The following CCSER1 variants were observed in gnomAD, a reference collection of about 807,000 sequenced individuals.
CCSER1 encodes serine-rich coiled-coil domain-containing protein 1.
In CCSER1, 41 loss-of-function variants were observed where a neutral mutation model predicts 82.0. That is an observed-to-expected ratio of 0.50 (90% CI 0.39 to 0.65). The LOEUF (loss-of-function observed/expected upper bound fraction) is 0.65. CCSER1 is among the 30% of genes least tolerant of loss of function. CCSER1 has a pLI of 0.00. For synonymous variants in CCSER1, 414 were observed against 383.9 expected (o/e 1.08, Z -0.92); for missense variants, 1,119 against 1,064.2 (o/e 1.05, Z -0.72).
intron 4 of CCSER1, among the ~76,000 whole-genome samples, chr4:90,400,589 T>C (rs1451839406): frequency 6.6e-6 from 1 of 152,122 alleles, no homozygotes; most frequent in Non-Finnish European, 1.5e-5. Flanking sequence ...TCAAAAGTAC[T>C]AATTACCAGT....
intron 10 of CCSER1, among the ~76,000 whole-genome samples, chr4:91,450,541 G>A (rs1287255980): frequency 2.0e-5 from 3 of 152,040 alleles, no homozygotes; most frequent in Non-Finnish European, 1.5e-5. Flanking sequence ...AGAAACAAAC[G>A]AGATGGGCCC....
intron 5 of CCSER1, among the ~76,000 whole-genome samples, chr4:90,616,369 C>T (rs1721201750): frequency 6.6e-6 from 1 of 151,912 alleles, no homozygotes; most frequent in African/African-American, 2.4e-5. Context: ...TTCTAACAAA[C>T]TGTCGAAGAA....
intron 10 of CCSER1, among the ~76,000 whole-genome samples, chr4:91,582,555 A>G (rs1329805826): frequency 6.6e-6 from 1 of 151,532 alleles, no homozygotes; most frequent in African/African-American, 2.4e-5. Context: ...TAGTCCGATT[A>G]TGGAATGCTA....
chr4:90,998,723 GTTT>G (rs3043069), intron 9 of CCSER1, among the ~76,000 whole-genome samples: 1 of 150,272 alleles, frequency 6.7e-6, no homozygotes, highest in Non-Finnish European at 1.5e-5. Context: ...GCATTACACA[GTTT>G]TTTTTTTTTA....
chr4:90,930,702 G>A (rs1238003373), intron 9 of CCSER1, among the ~76,000 whole-genome samples: 1 of 151,614 alleles, frequency 6.6e-6, no homozygotes, highest in Non-Finnish European at 1.5e-5. Context: ...TAAGCTTGAA[G>A]TATCTCTCAT....
intron 10 of CCSER1, among the ~76,000 whole-genome samples, chr4:91,096,265 G>A (rs1176496571): frequency 6.6e-6 from 1 of 152,096 alleles, no homozygotes; most frequent in Non-Finnish European, 1.5e-5. Context: ...TGTCTACTCT[G>A]TGTGGTCTAG....
At chr4:91,016,603 G>A (rs1739452998) in intron 9 of CCSER1, among the ~76,000 whole-genome samples, 1 of 151,944 alleles carries the variant, frequency 6.6e-6, no homozygotes, top group African/African-American at 2.4e-5. Context: ...ATGGCTAATA[G>A]CTGTTATGAT....
intron 10 of CCSER1, among the ~76,000 whole-genome samples, chr4:91,474,808 T>TAC (rs1252194427): frequency 1.1e-4 from 7 of 64,270 alleles, no homozygotes; most frequent in African/African-American, 4.3e-4. Context: ...TATATATATA[T>TAC]ATATACACAC....
chr4:90,784,890 A>T (rs1453928713), intron 7 of CCSER1, among the ~76,000 whole-genome samples: 3 of 152,216 alleles, frequency 2.0e-5, no homozygotes, highest in Non-Finnish European at 2.9e-5. Flanking sequence ...AGAAAAAGAA[A>T]ATATATACTA....
At chr4:90,560,781 A>T (rs1778675061) in intron 5 of CCSER1, among the ~76,000 whole-genome samples, 1 of 152,176 alleles carries the variant, frequency 6.6e-6, no homozygotes, top group Non-Finnish European at 1.5e-5. Flanking sequence ...AAAATACCTG[A>T]TACTCTTTTC....
At chr4:90,620,490 A>G (rs73833735) in intron 5 of CCSER1, among the ~76,000 whole-genome samples, 6,227 of 152,294 alleles carry the variant, frequency 0.041, 293 homozygotes, top group African/African-American at 0.11. Context: ...TTGTGGATAC[A>G]TTGATGAACA....
intron 10 of CCSER1, among the ~76,000 whole-genome samples, chr4:91,579,890 A>T (rs1763648041): frequency 6.6e-6 from 1 of 151,850 alleles, no homozygotes; most frequent in South Asian, 2.1e-4. Flanking sequence ...GGCAAGAATA[A>T]ATATCTATGT....
chr4:90,635,289 C>T (rs755312829), intron 6 of CCSER1, among the ~76,000 whole-genome samples: 1 of 151,350 alleles, frequency 6.6e-6, no homozygotes. Context: ...AGTGGAACAT[C>T]GTCAAGACAC....
chr4:91,319,844 T>A (rs1282308011), intron 10 of CCSER1: 1 of 384,006 alleles, frequency 2.6e-6, no homozygotes, highest in Non-Finnish European at 5.2e-6. Context: ...TTCCCCCTCA[T>A]CTGCATTTCA....
chr4:90,264,886 G>T (rs1253769139), intron 1 of CCSER1, among the ~76,000 whole-genome samples: 1 of 152,048 alleles, frequency 6.6e-6, no homozygotes, highest in Non-Finnish European at 1.5e-5. Context: ...TTTATAAAAA[G>T]AAGTCTTAAT....
At chr4:90,952,502 G>GTCATTGTTAA (rs1455977799) in intron 9 of CCSER1, among the ~76,000 whole-genome samples, 2 of 152,030 alleles carry the variant, frequency 1.3e-5, no homozygotes, top group African/African-American at 2.4e-5. Flanking sequence ...GCTCTAGGTG[G>GTCATTGTTAA]TCATTGTTAA....
chr4:90,918,779 AC>A (rs1431379543), intron 8 of CCSER1, among the ~76,000 whole-genome samples: 14 of 151,284 alleles, frequency 9.3e-5, no homozygotes, highest in Middle Eastern at 3.4e-3. Flanking sequence ...ACACACACAA[AC>A]ACACACACAC....
At chr4:90,724,681 G>A (rs1481893981) in intron 7 of CCSER1, 1 of 365,192 alleles carries the variant, frequency 2.7e-6, no homozygotes, top group Non-Finnish European at 5.4e-6. Flanking sequence ...ATTCTTAAGA[G>A]CCTGAGGAAA....
chr4:90,716,083 AAAAT>A (rs1441064039), intron 6 of CCSER1, among the ~76,000 whole-genome samples: 7 of 151,386 alleles, frequency 4.6e-5, no homozygotes, highest in Admixed American at 6.6e-5. Context: ...TATATGTATA[AAAAT>A]AAATAACTGT....
Sources: allele counts gnomAD v4.1 joint callset (sites outside exome capture counted in the v4.1 genomes callset), GRCh38; gene constraint gnomAD v4.1.1; transcripts MANE v1.5; gene names NCBI Gene and HGNC (gene_info 2026-07-23, HGNC 2026-07-21).